SHC4: variants seen among roughly 807,000 people sequenced by gnomAD.
SHC4 encodes the protein SHC-transforming protein 4.
SHC4 carries 41 observed loss-of-function variants against 69.4 expected under a neutral mutation model. The ratio of observed to expected loss-of-function variants is 0.59; its 90% CI spans 0.46 to 0.77. The LOEUF is 0.77. SHC4 is among the 30% of genes least tolerant of loss of function. The pLI is 0.00. For missense variants in SHC4, 777 were observed against 783.8 expected, an observed-to-expected ratio of 0.99 and a Z score of 0.10; for synonymous variants, 318 against 299.3, an observed-to-expected ratio of 1.06 and a Z score of -0.64.
intron 8 of SHC4, among the ~76,000 whole-genome samples, chr15:48,852,093 G>A (rs572273414): frequency 6.6e-6 from 1 of 152,318 alleles, no homozygotes; most frequent in Admixed American, 6.5e-5. Context: ...GAGTCAGGGA[G>A]AAAATGCTGA....
At chr15:48,878,173 C>T (rs767143351) in intron 4 of SHC4, 7 of 1,548,276 alleles carry the variant, frequency 4.5e-6, no homozygotes, top group East Asian at 2.3e-5. Flanking sequence ...GAGCGGTTTG[C>T]ACAATGTCGG....
chr15:48,955,323 T>C (rs4775789), intron 1 of SHC4, among the ~76,000 whole-genome samples: 51,143 of 152,022 alleles, frequency 0.34, 10,244 homozygotes, highest in East Asian at 0.56. Flanking sequence ...TGAGTGAAGC[T>C]GGGTAGGAGC....
chr15:48,946,508 C>T (rs919961465), intron 1 of SHC4: 114 of 874,140 alleles, frequency 1.3e-4, no homozygotes, highest in Non-Finnish European at 1.5e-4. Flanking sequence ...TCCCTCTCCT[C>T]TTCCTCCTTC....
At chr15:48,836,279 A>G (rs945357228) in intron 10 of SHC4, among the ~76,000 whole-genome samples, 10 of 152,166 alleles carry the variant, frequency 6.6e-5, no homozygotes, top group Non-Finnish European at 1.0e-4. Flanking sequence ...TCTGACTCCA[A>G]AGCCTAGATT....
chr15:48,891,075 G>C (rs1430372447), intron 2 of SHC4, among the ~76,000 whole-genome samples: 1 of 152,122 alleles, frequency 6.6e-6, no homozygotes. Flanking sequence ...TTTTCCTTGG[G>C]TTTTCAGATT....
chr15:48,865,161 G>GTGGGATTTTCCTTCCA (rs1206628199), intron 6 of SHC4, among the ~76,000 whole-genome samples: 1 of 152,132 alleles, frequency 6.6e-6, no homozygotes, highest in East Asian at 1.9e-4. Context: ...TAATACCATG[G>GTGGGATTTTCCTTCCA]TGGGATTTTC....
At chr15:48,846,937 A>G (rs1053053577) in intron 9 of SHC4, among the ~76,000 whole-genome samples, 3 of 151,978 alleles carry the variant, frequency 2.0e-5, no homozygotes, top group South Asian at 4.1e-4. Context: ...ATCGGTGTTT[A>G]TATCTAGCCT....
chr15:48,825,906 T>A lies in SHC4; in HGVS notation c.*65A>T. 1 of 1,536,516 alleles carries A rather than the reference T, an allele frequency of 6.5e-7. No homozygotes were observed. Among genetic ancestry groups the A allele is most frequent in the Non-Finnish European group, 8.8e-7 (1 of 1,139,710 alleles). On this transcript the variant is annotated 3_prime_UTR_variant, in exon 12 of 12. Coordinates refer to ENST00000332408, the MANE Select transcript of SHC4 (RefSeq NM_203349.4). ...TTTTATCTACAAACAAAGTTTAAATTATCTTTGTGTCCTAATACAAAATGG... is the reference window on the plus strand; with the variant it reads ...TTTTATCTACAAACAAAGTTTAAATAATCTTTGTGTCCTAATACAAAATGG...
intron 1 of SHC4, among the ~76,000 whole-genome samples, chr15:48,957,423 G>A (rs1279657360): frequency 6.6e-6 from 1 of 152,214 alleles, no homozygotes; most frequent in Non-Finnish European, 1.5e-5. Flanking sequence ...GCTACTTGAG[G>A]TAGATGTAAC....
At chr15:48,870,312 G>T (rs1196322923) in intron 5 of SHC4, among the ~76,000 whole-genome samples, 2 of 152,176 alleles carry the variant, frequency 1.3e-5, no homozygotes, top group Admixed American at 1.3e-4. Context: ...AAAGAGTCCA[G>T]ATAGGCTCTT....
intron 1 of SHC4, among the ~76,000 whole-genome samples, chr15:48,958,292 C>A (rs1901486759): frequency 6.6e-6 from 1 of 152,232 alleles, no homozygotes. Flanking sequence ...TCCCATACTT[C>A]AGAGGCTGCC....
intron 9 of SHC4, among the ~76,000 whole-genome samples, chr15:48,847,719 T>C (rs1414458323): frequency 6.6e-6 from 1 of 152,088 alleles, no homozygotes; most frequent in Non-Finnish European, 1.5e-5. Context: ...TATGCCCAAG[T>C]AGGCCAGGCG....
chr15:48,844,831 G>A (rs911329561), intron 9 of SHC4, among the ~76,000 whole-genome samples: 1 of 152,070 alleles, frequency 6.6e-6, no homozygotes, highest in Non-Finnish European at 1.5e-5. Flanking sequence ...CATGTAAGAT[G>A]TGCCTTTGCT....
chr15:48,878,147 C>A, intron 4 of SHC4: 1 of 1,519,410 alleles, frequency 6.6e-7, no homozygotes, highest in Non-Finnish European at 8.8e-7. Context: ...TTGCTGGAAG[C>A]TTTTTCCTAG....
rs767702479 is a variant in SHC4 at position 48,867,802 on chromosome 15, A to C, written c.946+16T>G. The stretch of plus-strand genomic sequence containing the variant: ...TATACCAGCTCTTTAAAAAATCTGT[A>C]AGTTGCTTTCCATACCTCGTTGATT... On this transcript the variant is annotated intron_variant, in intron 6 of 11. Coordinates refer to ENST00000332408, the MANE Select transcript of SHC4 (RefSeq NM_203349.4). 8 of 1,611,894 alleles carry C rather than the reference A, an allele frequency of 5.0e-6. No homozygotes were observed. The highest frequency in any genetic ancestry group is 2.2e-5 in the South Asian group (2 of 90,960).
chr15:48,943,738 G>C (rs554468720), intron 1 of SHC4, among the ~76,000 whole-genome samples: 36 of 152,008 alleles, frequency 2.4e-4, no homozygotes, highest in African/African-American at 8.4e-4. Flanking sequence ...AAAGTTCCCT[G>C]TTCTCCACAC....
At chr15:48,932,388 A>G (rs1323366023) in intron 1 of SHC4, among the ~76,000 whole-genome samples, 5 of 152,198 alleles carry the variant, frequency 3.3e-5, no homozygotes, top group African/African-American at 1.2e-4. Flanking sequence ...CAGGTTGTCC[A>G]GGAATCACAC....
intron 2 of SHC4, among the ~76,000 whole-genome samples, chr15:48,915,852 T>C (rs1368264188): frequency 1.3e-5 from 2 of 152,190 alleles, no homozygotes; most frequent in Non-Finnish European, 2.9e-5. Context: ...AGCACTCTTC[T>C]CAGTAAATTT....
intron 2 of SHC4, among the ~76,000 whole-genome samples, chr15:48,901,939 T>A (rs1235626753): frequency 1.3e-5 from 2 of 152,198 alleles, no homozygotes; most frequent in African/African-American, 4.8e-5. Flanking sequence ...CAGTGGCTCA[T>A]GCCTGTAATC....
Sources: allele counts gnomAD v4.1 joint callset (sites outside exome capture counted in the v4.1 genomes callset), GRCh38; gene constraint gnomAD v4.1.1; transcripts MANE v1.5; gene names NCBI Gene and HGNC (gene_info 2026-07-23, HGNC 2026-07-21).